ZC4H2: variants seen among roughly 807,000 people sequenced by gnomAD.
ZC4H2 encodes zinc finger C4H2 domain-containing protein.
For missense variants in ZC4H2, 137 were observed against 173.9 expected, an observed-to-expected ratio of 0.79 and a Z score of 1.19; for synonymous variants, 84 against 66.3, an observed-to-expected ratio of 1.27 and a Z score of -1.30.
chrX:64,986,867 G>T (rs780366594), intron 1 of ZC4H2, among the ~76,000 whole-genome samples: 3 of 109,922 alleles, frequency 2.7e-5, no homozygotes, highest in African/African-American at 9.9e-5. Flanking sequence ...CAAGTTTAAT[G>T]GAAACTGATA....
intron 1 of ZC4H2, among the ~76,000 whole-genome samples, chrX:65,012,243 A>AAAG (rs1555950228): frequency 5.0e-5 from 5 of 99,762 alleles, no homozygotes; most frequent in African/African-American, 1.4e-4. Flanking sequence ...AAAAAAAAAA[A>AAAG]AAAGAAAGAA....
intron 1 of ZC4H2, among the ~76,000 whole-genome samples, chrX:64,973,618 T>G (rs1829092781): frequency 9.0e-6 from 1 of 111,269 alleles, no homozygotes; most frequent in African/African-American, 3.3e-5. Flanking sequence ...AACCATGCTT[T>G]TGCTTACTGT....
upstream of ZC4H2, among the ~76,000 whole-genome samples, chrX:64,977,774 T>C (rs1418002374): frequency 8.9e-6 from 1 of 112,205 alleles, no homozygotes; most frequent in Non-Finnish European, 1.9e-5. Context: ...AGTGCTGGGA[T>C]TACAGGCATG....
chrX:65,010,511 C>A (rs1932740918), intron 1 of ZC4H2, among the ~76,000 whole-genome samples: 1 of 111,401 alleles, frequency 9.0e-6, no homozygotes, highest in Non-Finnish European at 1.9e-5. Flanking sequence ...AGGAATATTT[C>A]CAATCTTTTT....
chrX:64,922,266 G>T (rs1161591988), intron 1 of ZC4H2: 6 of 205,524 alleles, frequency 2.9e-5, no homozygotes, highest in Non-Finnish European at 3.7e-5. Context: ...AAAAGAAAAA[G>T]AAAAAAGAAA....
intron 1 of ZC4H2, among the ~76,000 whole-genome samples, chrX:64,965,233 G>A (rs1931546171): frequency 9.0e-6 from 1 of 111,724 alleles, no homozygotes; most frequent in East Asian, 2.8e-4. Context: ...TTATTTCTGA[G>A]GAAGAATAAT....
intron 1 of ZC4H2, among the ~76,000 whole-genome samples, chrX:64,985,249 T>A (rs1932161409): frequency 8.9e-6 from 1 of 111,961 alleles, no homozygotes; most frequent in South Asian, 3.8e-4. Context: ...GTAGTTCTGT[T>A]TTTAGTTCTT....
chrX:65,006,736 A>G (rs1459400637), intron 1 of ZC4H2, among the ~76,000 whole-genome samples: 1 of 112,346 alleles, frequency 8.9e-6, no homozygotes. Context: ...TTTCAACTTC[A>G]TTATAATCTT....
At chrX:64,953,433 G>T (rs1204259164) in intron 1 of ZC4H2, among the ~76,000 whole-genome samples, 4 of 111,886 alleles carry the variant, frequency 3.6e-5, no homozygotes, top group Non-Finnish European at 7.5e-5. Flanking sequence ...CTGACAAAGG[G>T]CTAATATCCA....
intron 1 of ZC4H2, among the ~76,000 whole-genome samples, chrX:64,939,659 C>A (rs1291535266): frequency 8.9e-6 from 1 of 111,850 alleles, no homozygotes; most frequent in Non-Finnish European, 1.9e-5. Flanking sequence ...TTTGACCAAC[C>A]TGACACAAAC....
At chrX:65,006,876 G>C (rs1246229067) in intron 1 of ZC4H2, among the ~76,000 whole-genome samples, 1 of 111,938 alleles carries the variant, frequency 8.9e-6, no homozygotes, top group Non-Finnish European at 1.9e-5. Flanking sequence ...TACTAGCTTT[G>C]TCTCCTCTCT....
At chrX:64,957,880 A>C (rs1485729850) in intron 1 of ZC4H2, among the ~76,000 whole-genome samples, 1 of 110,666 alleles carries the variant, frequency 9.0e-6, no homozygotes, top group East Asian at 2.8e-4. Context: ...AAAAAAATAA[A>C]AATAAAAATA....
intron 1 of ZC4H2, among the ~76,000 whole-genome samples, chrX:64,986,102 C>G (rs894681209): frequency 7.1e-5 from 8 of 111,937 alleles, no homozygotes; most frequent in African/African-American, 2.6e-4. Context: ...TGATCTGTTG[C>G]TTAAAAAATA....
At chrX:64,927,964 T>A (rs781003982) in intron 1 of ZC4H2, among the ~76,000 whole-genome samples, 1 of 112,483 alleles carries the variant, frequency 8.9e-6, no homozygotes, top group Non-Finnish European at 1.9e-5. Context: ...CACCCACTTT[T>A]TGATGGGGTT....
intron 1 of ZC4H2, among the ~76,000 whole-genome samples, chrX:64,927,233 A>T (rs7890862): frequency 0.14 from 15,491 of 110,169 alleles, 2,645 homozygotes; most frequent in African/African-American, 0.48. Flanking sequence ...TGCTGCACCG[A>T]TCAACCCGTT....
intron 1 of ZC4H2, among the ~76,000 whole-genome samples, chrX:64,973,752 T>C (rs905513272): frequency 1.8e-5 from 2 of 111,765 alleles, no homozygotes; most frequent in East Asian, 2.8e-4. Flanking sequence ...GATATTATTA[T>C]TGGACATAGA....
intron 1 of ZC4H2, among the ~76,000 whole-genome samples, chrX:64,968,755 C>T (rs1430760534): frequency 2.7e-5 from 3 of 111,423 alleles, no homozygotes; most frequent in Admixed American, 9.5e-5. Flanking sequence ...AACTTTTGGA[C>T]CAGTATTCCT....
chrX:64,951,218 T>G (rs1246788071), intron 1 of ZC4H2, among the ~76,000 whole-genome samples: 1 of 112,581 alleles, frequency 8.9e-6, no homozygotes, highest in East Asian at 2.8e-4. Flanking sequence ...GTTGGACATT[T>G]GGCTTGGTTC....
chrX:64,954,390 T>TTATATATATATATAATTATATA lies in ZC4H2; in HGVS notation c.53+21934_53+21935insTATATAATTATATATATATATA, dbSNP rs200900040. Among the ~76,000 whole-genome samples, 12 of 72,141 alleles carry TTATATATATATATAATTATATA rather than the reference T, an allele frequency of 1.7e-4. 3 individuals are homozygous for TTATATATATATATAATTATATA. Among genetic ancestry groups the TTATATATATATATAATTATATA allele is most frequent in the African/African-American group, 1.6e-3 (12 of 7,659 alleles). The allele number at this position is 72,141 out of a possible 115,157, so 62.6% of individuals were successfully genotyped here. ...TATATATAATTATATATATTTATAA[T>TTATATATATATATAATTATATA]TATATATATATATGCTCAAAAATTG... On this transcript the variant is annotated intron_variant, in intron 1 of 4. Transcript: ENST00000374839.
Sources: gnomAD v4.1 joint callset for allele counts (sites outside exome capture counted in the v4.1 genomes callset) on GRCh38, gnomAD v4.1.1 for gene constraint, MANE v1.5 for transcripts, NCBI Gene and HGNC (gene_info 2026-07-23, HGNC 2026-07-21) for gene names.